COL14A1: variants seen among roughly 807,000 people sequenced by gnomAD.
COL14A1 encodes the protein collagen alpha-1(XIV) chain.
COL14A1 carries 136 observed loss-of-function variants against 230.3 expected under a neutral mutation model. That is an observed-to-expected ratio of 0.59 (90% CI 0.51 to 0.68). The LOEUF is 0.68. COL14A1 is among the 30% of genes least tolerant of loss of function. The pLI, the probability that COL14A1 is intolerant of heterozygous loss-of-function variation, is 0.00. For synonymous variants in COL14A1, 792 were observed against 784.1 expected (o/e 1.01, Z -0.17); for missense variants, 1,976 against 2,215.8 (o/e 0.89, Z 2.17).
intron 42 of COL14A1, among the ~76,000 whole-genome samples, chr8:120,337,412 AAAAAAAGAAAAAAG>A (rs906838890): frequency 1.9e-4 from 28 of 151,340 alleles, no homozygotes; most frequent in Non-Finnish European, 3.7e-4. Flanking sequence ...AAAAAAAAAA[AAAAAAAGAAAAAAG>A]AAAAAAGAAA....
intron 40 of COL14A1, among the ~76,000 whole-genome samples, chr8:120,329,515 G>A (rs944157652): frequency 2.6e-5 from 4 of 152,150 alleles, no homozygotes; most frequent in African/African-American, 9.7e-5. Context: ...GCTGAGGTGG[G>A]TGGATTTCTT....
intron 33 of COL14A1, among the ~76,000 whole-genome samples, chr8:120,286,452 C>A (rs530707497): frequency 6.6e-6 from 1 of 151,902 alleles, no homozygotes; most frequent in South Asian, 2.1e-4. Context: ...AGTTACCCTG[C>A]GGAAAAATTT....
chr8:120,262,314 A>T (rs923777512), intron 23 of COL14A1, among the ~76,000 whole-genome samples: 3 of 152,036 alleles, frequency 2.0e-5, no homozygotes, highest in Non-Finnish European at 4.4e-5. Flanking sequence ...CTCTATTAAA[A>T]ATACACAAAT....
chr8:120,245,396 G>T (rs189698794), intron 20 of COL14A1, among the ~76,000 whole-genome samples: 1 of 152,116 alleles, frequency 6.6e-6, no homozygotes, highest in Non-Finnish European at 1.5e-5. Flanking sequence ...CAGAGGAGGC[G>T]TCATGCAACG....
chr8:120,272,062 G>A (rs2129833772), intron 26 of COL14A1, among the ~76,000 whole-genome samples: 1 of 151,602 alleles, frequency 6.6e-6, no homozygotes, highest in South Asian at 2.1e-4. Flanking sequence ...AAGAAAATGT[G>A]GGCACAAGAA....
At chr8:120,277,407 C>G (rs1449950059) in intron 26 of COL14A1, 1 of 152,038 alleles carries the variant, frequency 6.6e-6, no homozygotes, top group Non-Finnish European at 1.5e-5. Flanking sequence ...TGGCAAAAAT[C>G]CTACAAGCTT....
Position 120,228,543 on chromosome 8 carries a change from T to C in COL14A1, c.2138-167T>C, listed in dbSNP as rs113135103. The stretch of plus-strand genomic sequence containing the variant: ...AGTTTTCTTATCTGTGGCACAGGTA[T>C]GTCTGCCTTACTTACAATTCATTTC... On this transcript the variant is annotated intron_variant, in intron 17 of 47. Transcript: ENST00000297848. 1.5e-3 allele frequency among the ~76,000 whole-genome samples: 231 copies of C among 152,340 alleles called. 5 individuals are homozygous for C. The highest frequency in any genetic ancestry group is 5.4e-3 in the African/African-American group (223 of 41,576).
chr8:120,364,814 C>T (rs935218701), intron 45 of COL14A1, among the ~76,000 whole-genome samples: 5 of 150,840 alleles, frequency 3.3e-5, no homozygotes, highest in African/African-American at 1.2e-4. Flanking sequence ...ACCCAGGAGG[C>T]GGAGGTTGCA....
chr8:120,196,672 G>T (rs1357017550), intron 5 of COL14A1, 119 bp from the exon 6 acceptor site: 10 of 964,594 alleles, frequency 1.0e-5, no homozygotes, highest in Non-Finnish European at 3.0e-6. Flanking sequence ...AAAGATGGCT[G>T]CTCCTACGGG....
At chr8:120,171,330 A>T (rs1418347589) in intron 5 of COL14A1, among the ~76,000 whole-genome samples, 5 of 152,166 alleles carry the variant, frequency 3.3e-5, no homozygotes, top group Non-Finnish European at 1.5e-5. Context: ...TTTAACAATC[A>T]GTGTTTGTCC....
At chr8:120,159,977 C>A (rs946288639) in intron 3 of COL14A1, among the ~76,000 whole-genome samples, 11 of 152,158 alleles carry the variant, frequency 7.2e-5, no homozygotes, top group Non-Finnish European at 1.5e-4. Flanking sequence ...CAGGTGTGAG[C>A]TATCACGCCC....
At chr8:120,208,513 A>T in intron 11 of COL14A1, 152 bp downstream of exon 11, 3 of 827,248 alleles carry the variant, frequency 3.6e-6, no homozygotes, top group South Asian at 2.2e-5. Context: ...TATATGTGAT[A>T]CTGGTCCATG....
chr8:120,263,631 T>C (rs888896104), intron 24 of COL14A1, among the ~76,000 whole-genome samples: 15 of 152,206 alleles, frequency 9.9e-5, no homozygotes, highest in South Asian at 6.2e-4. Context: ...ATTAAAATGG[T>C]TTGAAATGCA....
intron 46 of COL14A1, among the ~76,000 whole-genome samples, chr8:120,368,735 G>A (rs1823490300): frequency 6.6e-6 from 1 of 151,980 alleles, no homozygotes; most frequent in South Asian, 2.1e-4. Context: ...TAGTATATTG[G>A]GTCGAATGTC....
chr8:120,227,438 C>G, intron 17 of COL14A1, 86 bp downstream of exon 17: 3 of 1,525,666 alleles, frequency 2.0e-6, no homozygotes, highest in South Asian at 2.4e-5. Flanking sequence ...TCTGCTTTAT[C>G]TTTGGCTATG....
At chr8:120,323,879 A>G (rs1026077443) in intron 40 of COL14A1, among the ~76,000 whole-genome samples, 1 of 152,206 alleles carries the variant, frequency 6.6e-6, no homozygotes, top group African/African-American at 2.4e-5. Flanking sequence ...CTTTTTGCTT[A>G]GGATTGCCTT....
intron 7 of COL14A1, among the ~76,000 whole-genome samples, chr8:120,198,677 A>G (rs956306895): frequency 6.6e-6 from 1 of 152,200 alleles, no homozygotes; most frequent in African/African-American, 2.4e-5. Context: ...CTGAAATCCA[A>G]AACGATTCTG....
At chr8:120,322,759 T>C (rs1161967494) in intron 40 of COL14A1, among the ~76,000 whole-genome samples, 1 of 152,152 alleles carries the variant, frequency 6.6e-6, no homozygotes, top group African/African-American at 2.4e-5. Flanking sequence ...TAGTATTCTA[T>C]GGTGTATATG....
chr8:120,249,954 A>G (rs1266665816), intron 21 of COL14A1, among the ~76,000 whole-genome samples: 1 of 152,218 alleles, frequency 6.6e-6, no homozygotes, highest in Non-Finnish European at 1.5e-5. Flanking sequence ...TTAAAGAATG[A>G]GCATGCATGG....
Sources: gnomAD v4.1 joint callset for allele counts (sites outside exome capture counted in the v4.1 genomes callset) on GRCh38, gnomAD v4.1.1 for gene constraint, MANE v1.5 for transcripts, NCBI Gene and HGNC (gene_info 2026-07-23, HGNC 2026-07-21) for gene names.